The following FBXL7 variants were observed in gnomAD, a reference collection of about 807,000 sequenced individuals.
The protein encoded by FBXL7 is F-box/LRR-repeat protein 7.
A neutral mutation model predicts 38.3 loss-of-function variants in FBXL7; 12 were observed. The observed-to-expected ratio is 0.31, with a 90% confidence interval of 0.20 to 0.51. FBXL7 has a LOEUF of 0.51. FBXL7 is among the 20% of genes least tolerant of loss of function. The pLI is 0.98. For missense variants in FBXL7, 567 were observed against 676.4 expected (o/e 0.84, Z 1.79); for synonymous variants, 297 against 300.9 (o/e 0.99, Z 0.13).
intron 2 of FBXL7, among the ~76,000 whole-genome samples, chr5:15,877,873 T>G (rs921247923): frequency 3.3e-5 from 5 of 152,160 alleles, no homozygotes; most frequent in Non-Finnish European, 7.3e-5. Context: ...CTGAAAAAAT[T>G]CTGATCTTCC....
rs1370560407 is a variant in FBXL7, at chr5:15,939,723, A to T, written c.*2537A>T. On this transcript the variant is annotated 3_prime_UTR_variant, in exon 4 of 4. Coordinates refer to ENST00000504595, the MANE Select transcript of FBXL7 (RefSeq NM_012304.5). ...TTGTTGTTTTTTAATTCTAATGTTC[A>T]AATCACTGCGTGCTGTATGAATCTA... 6.6e-6 allele frequency: 1 copy of T among 152,654 alleles called. No homozygotes were observed. The highest frequency in any genetic ancestry group is 2.4e-5 in the African/African-American group (1 of 41,446). 9.5% of individuals were successfully genotyped at this position (152,654 alleles called of 1,614,324 possible).
chr5:15,836,189 C>T (rs1738587622), intron 2 of FBXL7, among the ~76,000 whole-genome samples: 1 of 152,152 alleles, frequency 6.6e-6, no homozygotes, highest in South Asian at 2.1e-4. Context: ...TTCCTTCATT[C>T]ACTCTTATTC....
At chr5:15,634,337 T>TA (rs1161521006) in intron 2 of FBXL7, among the ~76,000 whole-genome samples, 2 of 100,740 alleles carry the variant, frequency 2.0e-5, no homozygotes, top group Non-Finnish European at 2.0e-5. Flanking sequence ...TTTTTTTTTT[T>TA]AAAAGACAGA....
At chr5:15,645,744 T>C (rs942400942) in intron 2 of FBXL7, among the ~76,000 whole-genome samples, 2 of 152,224 alleles carry the variant, frequency 1.3e-5, no homozygotes, top group African/African-American at 2.4e-5. Context: ...AAAAGTATCA[T>C]TGTAACTCTT....
chr5:15,824,652 CTTT>C (rs993327359), intron 2 of FBXL7, among the ~76,000 whole-genome samples: 2 of 152,188 alleles, frequency 1.3e-5, no homozygotes, highest in Admixed American at 6.5e-5. Flanking sequence ...TAGCAATTTT[CTTT>C]TTCATGGAAG....
intron 1 of FBXL7, chr5:15,607,064 A>C (rs1740049027): frequency 6.6e-6 from 1 of 152,242 alleles, no homozygotes; most frequent in Admixed American, 6.5e-5. Context: ...AATTATTTCA[A>C]GATACCAGTC....
chr5:15,750,727 C>T (rs1328598549), intron 2 of FBXL7, among the ~76,000 whole-genome samples: 2 of 152,062 alleles, frequency 1.3e-5, no homozygotes, highest in African/African-American at 2.4e-5. Flanking sequence ...ATTGCCCTAA[C>T]GTCATGAGCG....
At chr5:15,584,477 C>T (rs1739245205) in intron 1 of FBXL7, among the ~76,000 whole-genome samples, 1 of 152,204 alleles carries the variant, frequency 6.6e-6, no homozygotes, top group Non-Finnish European at 1.5e-5. Context: ...TTTGCTGAAG[C>T]ATAGCAAGTG....
intron 1 of FBXL7, among the ~76,000 whole-genome samples, chr5:15,589,654 ATTC>A (rs1422752193): frequency 6.6e-6 from 1 of 152,190 alleles, no homozygotes; most frequent in Non-Finnish European, 1.5e-5. Context: ...TTATTTTTCT[ATTC>A]TTCAAATCAG....
chr5:15,799,250 G>GCGA (rs1737495150), intron 2 of FBXL7, among the ~76,000 whole-genome samples: 1 of 152,052 alleles, frequency 6.6e-6, no homozygotes, highest in Non-Finnish European at 1.5e-5. Flanking sequence ...GACAGAAGGA[G>GCGA]CGACTGACCT....
At chr5:15,627,402 T>A (rs1740853082) in intron 2 of FBXL7, among the ~76,000 whole-genome samples, 1 of 152,112 alleles carries the variant, frequency 6.6e-6, no homozygotes, top group East Asian at 1.9e-4. Context: ...GAAGATAGCA[T>A]GATGTGTTAG....
chr5:15,663,828 T>C (rs1421721714), intron 2 of FBXL7, among the ~76,000 whole-genome samples: 1 of 152,244 alleles, frequency 6.6e-6, no homozygotes, highest in African/African-American at 2.4e-5. Flanking sequence ...ATCTACCCTC[T>C]TAGCGAATTT....
At chr5:15,883,156 G>A (rs899474820) in intron 2 of FBXL7, among the ~76,000 whole-genome samples, 10 of 152,050 alleles carry the variant, frequency 6.6e-5, no homozygotes, top group Non-Finnish European at 1.5e-4. Flanking sequence ...TTTAAGTTAA[G>A]GTAGAAAATA....
chr5:15,644,346 A>G (rs946756018), intron 2 of FBXL7, among the ~76,000 whole-genome samples: 3 of 149,422 alleles, frequency 2.0e-5, no homozygotes, highest in Admixed American at 2.0e-4. Context: ...GTGGTAGTGC[A>G]TGCCTGTAAT....
intron 2 of FBXL7, among the ~76,000 whole-genome samples, chr5:15,884,579 T>A (rs535220005): frequency 6.6e-6 from 1 of 152,328 alleles, no homozygotes; most frequent in South Asian, 2.1e-4. Context: ...CCTCAACATA[T>A]GAATTTTGAA....
intron 3 of FBXL7, among the ~76,000 whole-genome samples, chr5:15,933,835 GC>G (rs1561194428): frequency 6.6e-6 from 1 of 152,190 alleles, no homozygotes; most frequent in African/African-American, 2.4e-5. Flanking sequence ...CAGCCAAGGT[GC>G]AGAAGTGTCC....
chr5:15,674,762 C>G lies in FBXL7; in HGVS notation c.127+58690C>G, dbSNP rs73058362. Among the ~76,000 whole-genome samples the G allele has an allele frequency of 2.3e-3, 353 of 152,290 alleles. 2 individuals carry two copies. The highest frequency in any genetic ancestry group is 7.6e-3 in the African/African-American group (317 of 41,560). ...AAACGCAACTGATAATTATCTCAGG[C>G]AATTCTGATATTTTGCCATCTGTGG... On this transcript the variant is annotated intron_variant, in intron 2 of 3. Transcript: ENST00000504595.
intron 2 of FBXL7, among the ~76,000 whole-genome samples, chr5:15,878,471 T>TTTAATC (rs1275380132): frequency 6.6e-6 from 1 of 152,162 alleles, no homozygotes; most frequent in African/African-American, 2.4e-5. Context: ...GGGCTCTCGA[T>TTTAATC]TTAATCTTCA....
At chr5:15,633,613 A>C (rs1393327090) in intron 2 of FBXL7, among the ~76,000 whole-genome samples, 2 of 151,938 alleles carry the variant, frequency 1.3e-5, no homozygotes, top group Admixed American at 1.3e-4. Context: ...TTATTTAACC[A>C]GTCATGTTCT....
Sources: gnomAD v4.1 joint callset for allele counts (sites outside exome capture counted in the v4.1 genomes callset) on GRCh38, gnomAD v4.1.1 for gene constraint, MANE v1.5 for transcripts, NCBI Gene and HGNC (gene_info 2026-07-23, HGNC 2026-07-21) for gene names.